The following PAX5 variants were observed in gnomAD, a reference collection of about 807,000 sequenced individuals.
The protein encoded by PAX5 is paired box 5.
A neutral mutation model predicts 43.7 loss-of-function variants in PAX5; 9 were observed. The ratio of observed to expected loss-of-function variants is 0.21; its 90% CI spans 0.12 to 0.36. The LOEUF (loss-of-function observed/expected upper bound fraction) is 0.36. PAX5 is among the 10% of genes least tolerant of loss of function. The probability of loss-of-function intolerance (pLI) is 1.00; values close to 1 mark genes in which losing one functional copy is unlikely to be tolerated. For synonymous variants in PAX5, 228 were observed against 214.3 expected, an observed-to-expected ratio of 1.06 and a Z score of -0.56; for missense variants, 383 against 532.7, an observed-to-expected ratio of 0.72 and a Z score of 2.77.
At chr9:36,877,163 C>A (rs995047948) in intron 8 of PAX5, among the ~76,000 whole-genome samples, 3 of 152,038 alleles carry the variant, frequency 2.0e-5, no homozygotes, top group Non-Finnish European at 4.4e-5. Context: ...ATGGCAAAAC[C>A]CGTCTCTACA....
intron 7 of PAX5, among the ~76,000 whole-genome samples, chr9:36,899,993 A>C (rs1433699346): frequency 5.3e-5 from 8 of 152,214 alleles, no homozygotes; most frequent in African/African-American, 1.9e-4. Context: ...TGGAAGAACA[A>C]GGCCCTCCTA....
intron 2 of PAX5, among the ~76,000 whole-genome samples, chr9:37,018,453 T>G (rs1182238611): frequency 6.7e-6 from 1 of 150,240 alleles, no homozygotes; most frequent in African/African-American, 2.4e-5. Context: ...CAGGGGTCCC[T>G]GTGTGCCCCA....
Position 36,834,563 on chromosome 9 carries a change from G to A in PAX5, c.*5997C>T. 1 of 232,896 alleles carries A rather than the reference G, an allele frequency of 4.3e-6. No homozygotes were observed. Among genetic ancestry groups the A allele is most frequent in the Admixed American group, 5.6e-5 (1 of 17,752 alleles). The allele number at this position is 232,896 out of a possible 1,614,324, so 14.4% of individuals were successfully genotyped here. ...TATTTATTTTCTTTTTAGCTTTATA[G>A]CAATTAATTGGCTATTGATTGGTTG... On this transcript the variant is annotated 3_prime_UTR_variant, in exon 10 of 10. Transcript: ENST00000358127.
chr9:37,022,639 C>T (rs189551414), intron 1 of PAX5, among the ~76,000 whole-genome samples: 19 of 152,306 alleles, frequency 1.2e-4, no homozygotes, highest in Admixed American at 6.5e-5. Context: ...AACACAGTGG[C>T]AACCTTCAGA....
At chr9:36,932,062 G>T (rs140084391) in intron 6 of PAX5, among the ~76,000 whole-genome samples, 1 of 151,914 alleles carries the variant, frequency 6.6e-6, no homozygotes, top group Non-Finnish European at 1.5e-5. Context: ...ATTACTTGAG[G>T]CCAGGAGTTT....
chr9:36,994,888 A>G (rs7867479), intron 5 of PAX5, among the ~76,000 whole-genome samples: 68,880 of 152,036 alleles, frequency 0.45, 16,157 homozygotes, highest in East Asian at 0.68. Flanking sequence ...AAGCATGGCT[A>G]CCAGGCTGCC....
chr9:36,990,524 T>C (rs1836839779), intron 5 of PAX5, among the ~76,000 whole-genome samples: 1 of 152,134 alleles, frequency 6.6e-6, no homozygotes, highest in African/African-American at 2.4e-5. Context: ...AGAATTTTCT[T>C]TCAGCTGCTA....
At chr9:36,997,823 G>T (rs1196656645) in intron 5 of PAX5, among the ~76,000 whole-genome samples, 3 of 152,218 alleles carry the variant, frequency 2.0e-5, no homozygotes, top group Admixed American at 2.0e-4. Context: ...ATGATTTGTG[G>T]CCCCTGCCCT....
intron 5 of PAX5, among the ~76,000 whole-genome samples, chr9:36,975,631 C>T (rs911740871): frequency 6.6e-6 from 1 of 152,150 alleles, no homozygotes; most frequent in African/African-American, 2.4e-5. Context: ...GTGATTCATC[C>T]ACCTTGGGCC....
chr9:36,854,125 A>T (rs1823418650), intron 8 of PAX5, among the ~76,000 whole-genome samples: 1 of 152,384 alleles, frequency 6.6e-6, no homozygotes, highest in East Asian at 1.9e-4. Flanking sequence ...GAGGAGGAGG[A>T]GGAAGAAACG....
intron 9 of PAX5, among the ~76,000 whole-genome samples, chr9:36,844,982 A>C (rs1188526423): frequency 6.6e-6 from 1 of 152,348 alleles, no homozygotes; most frequent in South Asian, 2.1e-4. Context: ...CCTTGTAAAA[A>C]TGAGAAAAAT....
Position 36,882,217 on chromosome 9 carries a change from A to C in PAX5, c.911-112T>G, listed in dbSNP as rs1383973463. On this transcript the variant is annotated intron_variant, in intron 7 of 9. Transcript: ENST00000358127. This position sits in a 1 kb window ranked among gnomAD's most constrained non-coding sequence, Gnocchi z 4.4. ...TTGTCACGTTTGGACGCTGAACGGC[A>C]ATGTGCCCCCAGCTCCCCCCTGTCG... 20 of 776,324 alleles carry C rather than the reference A, an allele frequency of 2.6e-5. No homozygotes were observed. The East Asian group carries it at 5.3e-4, about 21-fold the overall frequency. The allele number at this position is 776,324 out of a possible 1,614,324, so 48.1% of individuals were successfully genotyped here. A position where few individuals can be genotyped will look rare whatever the true frequency, so the allele number is the denominator to read the frequency against.
At chr9:36,927,833 C>A (rs772598720) in intron 6 of PAX5, among the ~76,000 whole-genome samples, 2 of 152,154 alleles carry the variant, frequency 1.3e-5, no homozygotes, top group African/African-American at 2.4e-5. Context: ...CTCAGCCTCC[C>A]AAGTGGCTGG....
At chr9:36,932,248 G>A (rs915762404) in intron 6 of PAX5, among the ~76,000 whole-genome samples, 1 of 152,168 alleles carries the variant, frequency 6.6e-6, no homozygotes, top group African/African-American at 2.4e-5. Flanking sequence ...ACTCCAGTCT[G>A]GGCGACCTTG....
Position 36,840,584 on chromosome 9 carries a change from G to C in PAX5, c.1152C>G (p.Ala384=). ...GTCAGTGACGGTCATAGGCAGTGGC[G>C]GCTGCAGGTGGGGCGGCTCCTCGGG... The part of the protein sequence containing the change: ...AAARGAAPPA[A]ATAYDRH Residue 384 remains alanine, a synonymous_variant, in exon 10 of 10, where the codon GCC becomes GCG. Transcript: ENST00000358127. 6.3e-7 allele frequency: 1 copy of C among 1,587,078 alleles called. No homozygotes were observed. The highest frequency in any genetic ancestry group is 8.6e-7 in the Non-Finnish European group (1 of 1,168,034).
At chr9:37,016,592 T>A (rs1387246432) in intron 2 of PAX5, among the ~76,000 whole-genome samples, 2 of 152,232 alleles carry the variant, frequency 1.3e-5, no homozygotes, top group Non-Finnish European at 2.9e-5. Context: ...CTTTTCTGAA[T>A]CTGAGACATC....
At chr9:37,032,173 C>G (rs562210831) in intron 1 of PAX5, among the ~76,000 whole-genome samples, 52 of 152,344 alleles carry the variant, frequency 3.4e-4, no homozygotes, top group African/African-American at 1.2e-3. Flanking sequence ...CCCCAAGCCC[C>G]ACCCAGTCCA....
intron 8 of PAX5, among the ~76,000 whole-genome samples, chr9:36,867,011 G>A (rs1018327593): frequency 2.8e-5 from 4 of 142,076 alleles, no homozygotes; most frequent in Non-Finnish European, 6.1e-5. Flanking sequence ...CTTTGCCGCT[G>A]CCCCCAGTGG....
intron 7 of PAX5, among the ~76,000 whole-genome samples, chr9:36,912,868 C>T (rs1380776738): frequency 6.6e-6 from 1 of 152,176 alleles, no homozygotes; most frequent in Non-Finnish European, 1.5e-5. Flanking sequence ...TTGAAACAGC[C>T]AAGGGAGGCA....
Sources: gnomAD v4.1 joint callset for allele counts (sites outside exome capture counted in the v4.1 genomes callset) on GRCh38, gnomAD v4.1.1 for gene constraint, Gnocchi (gnomAD v3.1) non-coding constraint, MANE v1.5 for transcripts, NCBI Gene and HGNC (gene_info 2026-07-23, HGNC 2026-07-21) for gene names.